The following GAB2 variants were observed in gnomAD, a reference collection of about 807,000 sequenced individuals.
GAB2 encodes the protein GRB2 associated binding protein 2.
Under a neutral mutation model 65.5 loss-of-function variants are expected in GAB2, and 26 were observed. The ratio of observed to expected loss-of-function variants is 0.40; its 90% CI spans 0.29 to 0.55. The LOEUF (loss-of-function observed/expected upper bound fraction) is 0.55, where lower values mean the gene tolerates loss of function less well. Ranked by LOEUF, GAB2 falls within the 20% of genes least tolerant of loss-of-function variation. The pLI is 0.53. For missense variants in GAB2, 884 were observed against 875.8 expected (o/e 1.01, Z -0.12); for synonymous variants, 321 against 329.6 (o/e 0.97, Z 0.28).
intron 1 of GAB2, among the ~76,000 whole-genome samples, chr11:78,396,094 G>T (rs1856891370): frequency 1.3e-5 from 2 of 152,220 alleles, no homozygotes; most frequent in Non-Finnish European, 1.5e-5. Context: ...ATATCAAGTA[G>T]TAAGTTCCTT....
At chr11:78,299,740 A>C (rs1441148054) in intron 1 of GAB2, among the ~76,000 whole-genome samples, 1 of 152,230 alleles carries the variant, frequency 6.6e-6, no homozygotes. Flanking sequence ...TAAATGGACT[A>C]TCTTGCTCCT....
chr11:78,367,901 C>T (rs1856518739), intron 1 of GAB2, among the ~76,000 whole-genome samples: 1 of 149,702 alleles, frequency 6.7e-6, no homozygotes. Flanking sequence ...ACTGCAAGCT[C>T]CGCCTCCCGG....
chr11:78,371,833 A>T (rs902746124), intron 1 of GAB2, among the ~76,000 whole-genome samples: 3 of 152,208 alleles, frequency 2.0e-5, no homozygotes, highest in African/African-American at 7.2e-5. Flanking sequence ...GAAAAAAAAT[A>T]AATAAAAGGT....
intron 1 of GAB2, among the ~76,000 whole-genome samples, chr11:78,314,579 C>T (rs1287788144): frequency 2.6e-5 from 4 of 152,170 alleles, no homozygotes; most frequent in African/African-American, 9.7e-5. Context: ...CAAGTCTTCC[C>T]TGTCATTCAC....
rs1864283906 is a variant in GAB2 at position 78,219,016 on chromosome 11, T to TTC, written c.*255_*256insGA. The TTC allele has an allele frequency of 2.1e-6, 1 of 466,752 alleles. No individual in the cohort carries two copies. The highest frequency in any genetic ancestry group is 3.6e-5 in the East Asian group (1 of 27,528). The allele number at this position is 466,752 out of a possible 1,614,324, so 28.9% of individuals were successfully genotyped here. On this transcript the variant is annotated 3_prime_UTR_variant, in exon 10 of 10. Coordinates refer to ENST00000361507, the MANE Select transcript of GAB2 (RefSeq NM_080491.3). ...AAGGATGCTTTTTGGAAGTAGCTCC[T>TTC]AACTAAGGTGGGTGGAGGCATGGCC...
intron 1 of GAB2, among the ~76,000 whole-genome samples, chr11:78,289,307 A>G (rs1866582807): frequency 6.6e-6 from 1 of 152,232 alleles, no homozygotes; most frequent in Non-Finnish European, 1.5e-5. Flanking sequence ...TCAAGCATCC[A>G]TAGGGGAGTA....
intron 1 of GAB2, among the ~76,000 whole-genome samples, chr11:78,310,693 T>C (rs1218661989): frequency 6.6e-6 from 1 of 152,128 alleles, no homozygotes; most frequent in Non-Finnish European, 1.5e-5. Context: ...GAATCTCAGT[T>C]CACCAAGGCG....
intron 1 of GAB2, among the ~76,000 whole-genome samples, chr11:78,346,720 T>TA (rs370773286): frequency 4.7e-5 from 3 of 63,880 alleles, no homozygotes; most frequent in Non-Finnish European, 8.3e-5. Flanking sequence ...TATATATATA[T>TA]AATTTTTTTT....
At chr11:78,304,822 T>G (rs187895791) in intron 1 of GAB2, among the ~76,000 whole-genome samples, 34 of 152,322 alleles carry the variant, frequency 2.2e-4, no homozygotes, top group African/African-American at 8.2e-4. Flanking sequence ...TTCCTTCATT[T>G]GGTTCCAAAC....
At chr11:78,245,041 G>A (rs953220108) in intron 3 of GAB2, among the ~76,000 whole-genome samples, 3 of 152,126 alleles carry the variant, frequency 2.0e-5, no homozygotes, top group Non-Finnish European at 4.4e-5. Context: ...CAACCTAAGT[G>A]GTCATCAACA....
intron 2 of GAB2, among the ~76,000 whole-genome samples, chr11:78,267,979 T>C (rs765671498): frequency 2.6e-5 from 4 of 151,876 alleles, no homozygotes; most frequent in Admixed American, 1.3e-4. Context: ...TATGGACTGA[T>C]AAAAATTTCT....
At chr11:78,299,942 T>C (rs1866945747) in intron 1 of GAB2, among the ~76,000 whole-genome samples, 1 of 152,212 alleles carries the variant, frequency 6.6e-6, no homozygotes, top group Non-Finnish European at 1.5e-5. Context: ...TGTTTCCTTG[T>C]TGCCAGAAAT....
intron 1 of GAB2, among the ~76,000 whole-genome samples, chr11:78,297,413 G>T (rs1035113788): frequency 6.6e-6 from 1 of 151,778 alleles, no homozygotes; most frequent in East Asian, 1.9e-4. Flanking sequence ...CATATTTTTT[G>T]GGGAAAAAAG....
At chr11:78,322,222 T>C (rs1268362548) in intron 1 of GAB2, among the ~76,000 whole-genome samples, 2 of 143,352 alleles carry the variant, frequency 1.4e-5, no homozygotes, top group Non-Finnish European at 3.0e-5. Context: ...GGAGAATCAC[T>C]TGAACCCAGG....
chr11:78,226,602 T>C lies in GAB2; in HGVS notation c.1070A>G (p.Lys357Arg). Residue 357 changes from lysine (K) to arginine (R), a missense_variant, in exon 4 of 10, where the codon AAG becomes AGG. Lys to Arg is a conservative substitution (Grantham distance 26). Transcript: ENST00000361507. Reference sequence around the variant, plus strand: ...TCGAGGTGTTTCTGCCTGACTTGGCTTGGGGGGGCGGGGTGGGGGAGCTAT... The same window carrying C: ...TCGAGGTGTTTCTGCCTGACTTGGCCTGGGGGGGCGGGGTGGGGGAGCTAT... Reference protein sequence around the residue: ...SAIAPPPRPPKPSQAETPRWG... With the variant: ...SAIAPPPRPPRPSQAETPRWG... The C allele has an allele frequency of 9.2e-6, 5 of 545,618 alleles. No homozygotes were observed. The highest frequency in any genetic ancestry group is 2.1e-5 in the Admixed American group (1 of 47,290). The allele number at this position is 545,618 out of a possible 1,614,324, so 33.8% of individuals were successfully genotyped here.
chr11:78,237,873 T>C (rs1021205043), intron 3 of GAB2, among the ~76,000 whole-genome samples: 2 of 152,212 alleles, frequency 1.3e-5, no homozygotes, highest in Non-Finnish European at 2.9e-5. Flanking sequence ...TCATGTCCTT[T>C]GCAGGGACAT....
chr11:78,284,933 C>A (rs1866435955), intron 1 of GAB2, among the ~76,000 whole-genome samples: 1 of 152,040 alleles, frequency 6.6e-6, no homozygotes, highest in South Asian at 2.1e-4. Context: ...TATTATCTAG[C>A]AGGTCAAAGG....
At chr11:78,294,841 T>C (rs1033067401) in intron 1 of GAB2, among the ~76,000 whole-genome samples, 1 of 152,190 alleles carries the variant, frequency 6.6e-6, no homozygotes, top group Non-Finnish European at 1.5e-5. Flanking sequence ...AAGGACTTCA[T>C]GTCTAAAACA....
At chr11:78,327,116 G>A (rs993252479) in intron 1 of GAB2, among the ~76,000 whole-genome samples, 5 of 152,084 alleles carry the variant, frequency 3.3e-5, no homozygotes, top group African/African-American at 4.8e-5. Context: ...CTACAAATAC[G>A]TACTGAGCAT....
Sources: allele counts gnomAD v4.1 joint callset (sites outside exome capture counted in the v4.1 genomes callset), GRCh38; gene constraint gnomAD v4.1.1; transcripts MANE v1.5; gene names NCBI Gene and HGNC (gene_info 2026-07-23, HGNC 2026-07-21).